NEBL: variants seen among roughly 807,000 people sequenced by gnomAD.
The protein encoded by NEBL is LIM and SH3 protein 2.
A neutral mutation model predicts 140.2 loss-of-function variants in NEBL; 122 were observed. The ratio of observed to expected loss-of-function variants is 0.87; its 90% confidence interval spans 0.75 to 1.01. The LOEUF is 1.01. NEBL is among the 50% of genes least tolerant of loss of function. The pLI, the probability that NEBL is intolerant of heterozygous loss-of-function variation, is 0.00. For missense variants in NEBL, 1,365 were observed against 1,231.3 expected (o/e 1.11, Z -1.62); for synonymous variants, 436 against 398.9 (o/e 1.09, Z -1.11).
intron 2 of NEBL, among the ~76,000 whole-genome samples, chr10:21,163,998 G>C (rs966547571): frequency 1.3e-5 from 2 of 152,196 alleles, no homozygotes; most frequent in African/African-American, 4.8e-5. Flanking sequence ...ACAACTTCCT[G>C]TTTTCATGGT....
chr10:20,786,182 A>G (rs1214882866), intron 27 of NEBL, among the ~76,000 whole-genome samples: 1 of 152,204 alleles, frequency 6.6e-6, no homozygotes, highest in East Asian at 1.9e-4. Context: ...AGGCTTTGAA[A>G]TAATAAAGCC....
chr10:21,201,180 A>G (rs1841729509), intron 3 of NEBL, among the ~76,000 whole-genome samples: 1 of 152,234 alleles, frequency 6.6e-6, no homozygotes, highest in Admixed American at 6.5e-5. Context: ...GTGCTAAGAC[A>G]GAAATGGTTA....
chr10:20,920,749 T>C (rs1833542916), intron 4 of NEBL, among the ~76,000 whole-genome samples: 1 of 152,172 alleles, frequency 6.6e-6, no homozygotes, highest in Non-Finnish European at 1.5e-5. Context: ...TGGAAACTTT[T>C]ATACAATTAA....
At chr10:21,197,484 A>G (rs946879993) in intron 3 of NEBL, among the ~76,000 whole-genome samples, 2 of 152,230 alleles carry the variant, frequency 1.3e-5, no homozygotes, top group African/African-American at 4.8e-5. Context: ...AAAGAGAAAA[A>G]GGATTACAGC....
At position 20,896,483 on chromosome 10, in the gene NEBL, CATATATATATATATAT is replaced by C. The variant is rs57289458; in HGVS notation, c.153+459_153+474del. Among the ~76,000 whole-genome samples, 137 of 88,072 alleles carry C rather than the reference CATATATATATATATAT, an allele frequency of 1.6e-3. 1 individual carries two copies. The highest frequency in any genetic ancestry group is 2.5e-3 in the South Asian group (7 of 2,762). The allele number at this position is 88,072 out of a possible 152,430, so 57.8% of individuals were successfully genotyped here. Reference sequence around the variant, plus strand: ...CTGAATTGTAAATAAATATTATATGCATATATATATATATATATATATATATATATATATGCATTTT... The same window carrying C: ...CTGAATTGTAAATAAATATTATATGCATATATATATATATATATGCATTTT... On this transcript the variant is annotated intron_variant, in intron 2 of 27. Coordinates refer to ENST00000377122, the MANE Select transcript of NEBL (RefSeq NM_006393.3).
At chr10:20,909,021 G>T (rs1002506374) in intron 4 of NEBL, among the ~76,000 whole-genome samples, 12 of 151,286 alleles carry the variant, frequency 7.9e-5, no homozygotes, top group Non-Finnish European at 1.6e-4. Context: ...TTAATTTTTT[G>T]GGTACACAGT....
chr10:20,862,143 G>T (rs562157636), intron 7 of NEBL, among the ~76,000 whole-genome samples: 2 of 152,120 alleles, frequency 1.3e-5, no homozygotes, highest in South Asian at 4.1e-4. Context: ...CCATGGTAAG[G>T]TTAAACAGTC....
intron 3 of NEBL, among the ~76,000 whole-genome samples, chr10:20,997,953 A>G (rs1226510347): frequency 2.0e-5 from 3 of 152,230 alleles, no homozygotes; most frequent in African/African-American, 7.2e-5. Context: ...AACTTAATTA[A>G]AAGTATTAAA....
At chr10:20,894,846 G>A (rs572518250) in intron 2 of NEBL, among the ~76,000 whole-genome samples, 6 of 149,714 alleles carry the variant, frequency 4.0e-5, no homozygotes, top group Admixed American at 6.6e-5. Context: ...GGAGAATGGC[G>A]TGAACCCAGG....
intron 4 of NEBL, among the ~76,000 whole-genome samples, chr10:20,921,264 C>T (rs756993210): frequency 9.2e-5 from 14 of 152,074 alleles, no homozygotes; most frequent in Non-Finnish European, 1.6e-4. Flanking sequence ...ACACACGCAC[C>T]TACCTGAGTA....
Position 20,823,192 on chromosome 10 carries a change from T to A in NEBL, c.1962+16A>T. The A allele has an allele frequency of 6.3e-7, 1 of 1,577,602 alleles. No individual in the cohort carries two copies. On this transcript the variant is annotated intron_variant, in intron 19 of 27. Coordinates refer to ENST00000377122, the MANE Select transcript of NEBL (RefSeq NM_006393.3). ...TACAATAAAATTTTTAAAAAATACTTAAGAAATATGATCACATTGCTGATG... is the reference window on the plus strand; with the variant it reads ...TACAATAAAATTTTTAAAAAATACTAAAGAAATATGATCACATTGCTGATG...
chr10:21,189,725 C>A (rs535209409), intron 3 of NEBL, among the ~76,000 whole-genome samples: 4 of 152,288 alleles, frequency 2.6e-5, no homozygotes, highest in South Asian at 2.1e-4. Context: ...CCTCGGCCCC[C>A]CAAAGTGCTG....
chr10:21,059,268 G>A (rs181299853), intron 2 of NEBL, among the ~76,000 whole-genome samples: 5 of 152,308 alleles, frequency 3.3e-5, no homozygotes, highest in African/African-American at 4.8e-5. Context: ...CAGGCACTCC[G>A]TATGGTCTGC....
At chr10:21,189,996 G>A (rs1227717570) in intron 3 of NEBL, among the ~76,000 whole-genome samples, 1 of 152,134 alleles carries the variant, frequency 6.6e-6, no homozygotes, top group Non-Finnish European at 1.5e-5. Context: ...CATCATCCCA[G>A]AATTGAGGTG....
In NEBL at chr10:20,888,108, G is replaced by A. The variant is rs2131360699; in HGVS notation, c.358C>T (p.Leu120Phe). 1.2e-6 allele frequency: 2 copies of A among 1,606,972 alleles called. No individual in the cohort carries two copies. The highest frequency in any genetic ancestry group is 1.7e-6 in the Non-Finnish European group (2 of 1,173,564). Reference protein sequence around the residue: ...DSVFAGEVTQLQSEVAYKQKH... With the variant: ...DSVFAGEVTQFQSEVAYKQKH... ...TAGAAAAACCCTACCTCACTCTGGA[G>A]CTGTGTAACTTCTCCTGCAAAAACA... Residue 120 changes from leucine (L) to phenylalanine (F), a missense_variant, in exon 4 of 28, where the codon CTC (leucine) becomes TTC (phenylalanine). Around this residue, in one of 2 missense-constraint regions of NEBL, gnomAD observed 1,323 missense variants for 1,154.8 expected, o/e 1.15. Transcript: ENST00000377122.
intron 3 of NEBL, among the ~76,000 whole-genome samples, chr10:20,968,709 G>A (rs1836439661): frequency 6.6e-6 from 1 of 152,176 alleles, no homozygotes; most frequent in African/African-American, 2.4e-5. Flanking sequence ...TCAGGCACAT[G>A]TATTACTGAT....
intron 4 of NEBL, among the ~76,000 whole-genome samples, chr10:20,912,999 T>C (rs1290184652): frequency 6.6e-6 from 1 of 151,320 alleles, no homozygotes; most frequent in Non-Finnish European, 1.5e-5. Flanking sequence ...TGGCCTCAAA[T>C]GATCCTCCTG....
chr10:21,026,954 C>A (rs1159899889), intron 2 of NEBL, among the ~76,000 whole-genome samples: 1 of 152,208 alleles, frequency 6.6e-6, no homozygotes, highest in African/African-American at 2.4e-5. Context: ...CCCATGGGCA[C>A]TAAGTCTCTA....
At chr10:21,090,873 C>T (rs898082650) in intron 2 of NEBL, among the ~76,000 whole-genome samples, 1 of 152,150 alleles carries the variant, frequency 6.6e-6, no homozygotes, top group Non-Finnish European at 1.5e-5. Flanking sequence ...CATCTCCAAC[C>T]CACCAGCAGA....
Sources: allele counts gnomAD v4.1 joint callset (sites outside exome capture counted in the v4.1 genomes callset), GRCh38; gene constraint gnomAD v4.1.1; regional missense constraint gnomAD v4.1.1; transcripts MANE v1.5; gene names NCBI Gene and HGNC (gene_info 2026-07-23, HGNC 2026-07-21).